The following CPA6 variants were observed in gnomAD, a reference collection of about 807,000 sequenced individuals.
The protein encoded by CPA6 is carboxypeptidase A6.
CPA6 carries 58 observed loss-of-function variants against 63.3 expected under a neutral mutation model. That is an observed-to-expected ratio of 0.92 (90% confidence interval 0.74 to 1.14). The LOEUF (loss-of-function observed/expected upper bound fraction) is 1.14. Among genes scored for constraint, CPA6 ranks in the 50% most tolerant of loss-of-function variants. The pLI, the probability that CPA6 is intolerant of heterozygous loss-of-function variation, is 0.00. For missense variants in CPA6, 565 were observed against 526.6 expected, an observed-to-expected ratio of 1.07 and a Z score of -0.71; for synonymous variants, 185 against 179.0, an observed-to-expected ratio of 1.03 and a Z score of -0.27.
At chr8:67,450,539 G>C (rs1810533265) in intron 8 of CPA6, among the ~76,000 whole-genome samples, 1 of 152,198 alleles carries the variant, frequency 6.6e-6, no homozygotes, top group African/African-American at 2.4e-5. Context: ...TTTTTAAGGA[G>C]AGAAAAACCA....
At chr8:67,631,816 CG>C (rs1461839013) in intron 1 of CPA6, among the ~76,000 whole-genome samples, 2 of 152,168 alleles carry the variant, frequency 1.3e-5, no homozygotes, top group Admixed American at 1.3e-4. Flanking sequence ...ATGAACCCAC[CG>C]GGAGGAATGA....
intron 2 of CPA6, among the ~76,000 whole-genome samples, chr8:67,594,504 G>A (rs1451294200): frequency 2.6e-5 from 4 of 152,110 alleles, no homozygotes; most frequent in South Asian, 2.1e-4. Context: ...CATTCTCCCC[G>A]TCACTTTCAG....
At chr8:67,565,461 A>C (rs1329765148) in intron 2 of CPA6, among the ~76,000 whole-genome samples, 3 of 152,338 alleles carry the variant, frequency 2.0e-5, no homozygotes, top group African/African-American at 7.2e-5. Context: ...TGTTAGGCTA[A>C]GGACCTCTCC....
intron 1 of CPA6, among the ~76,000 whole-genome samples, chr8:67,649,112 T>C (rs1815779762): frequency 6.6e-6 from 1 of 152,156 alleles, no homozygotes; most frequent in East Asian, 1.9e-4. Context: ...TTGGATTTTT[T>C]TTTTCATGGA....
At chr8:67,483,539 C>T in intron 8 of CPA6, 3 of 556,216 alleles carry the variant, frequency 5.4e-6, no homozygotes, top group Non-Finnish European at 9.6e-6. Context: ...TTTCAGTTTT[C>T]AGGACCGAAT....
intron 1 of CPA6, among the ~76,000 whole-genome samples, chr8:67,694,932 T>C (rs1244100941): frequency 6.6e-6 from 1 of 152,104 alleles, no homozygotes; most frequent in Non-Finnish European, 1.5e-5. Context: ...GTGGCTTGGC[T>C]GGATGGTTAG....
At chr8:67,667,451 AAG>A (rs1816255165) in intron 1 of CPA6, among the ~76,000 whole-genome samples, 1 of 152,126 alleles carries the variant, frequency 6.6e-6, no homozygotes, top group South Asian at 2.1e-4. Flanking sequence ...GCCTACAGGA[AAG>A]ACCCCCATGC....
intron 2 of CPA6, among the ~76,000 whole-genome samples, chr8:67,608,083 G>A (rs1015616538): frequency 1.3e-5 from 2 of 152,182 alleles, no homozygotes; most frequent in African/African-American, 4.8e-5. Context: ...AGGAAGGAAT[G>A]GAGGAAGAAC....
At chr8:67,600,090 G>A (rs1814454395) in intron 2 of CPA6, among the ~76,000 whole-genome samples, 4 of 151,416 alleles carry the variant, frequency 2.6e-5, no homozygotes, top group South Asian at 4.2e-4. Flanking sequence ...TTTTCAAGGT[G>A]TATGTTTCCT....
intron 8 of CPA6, among the ~76,000 whole-genome samples, chr8:67,445,076 T>C (rs1587432287): frequency 6.6e-6 from 1 of 152,102 alleles, no homozygotes; most frequent in African/African-American, 2.4e-5. Flanking sequence ...AAAAGCCAGA[T>C]GTTATATGTG....
At chr8:67,522,060 A>G (rs887866754) in intron 2 of CPA6, among the ~76,000 whole-genome samples, 53 of 152,184 alleles carry the variant, frequency 3.5e-4, no homozygotes, top group African/African-American at 1.2e-3. Flanking sequence ...CCCGATCTTC[A>G]TGCCAAACAC....
intron 1 of CPA6, among the ~76,000 whole-genome samples, chr8:67,706,211 G>GT (rs1249790847): frequency 6.6e-6 from 1 of 152,180 alleles, no homozygotes; most frequent in Admixed American, 6.6e-5. Context: ...CAACTTGCCT[G>GT]CTTTAAAGCC....
intron 2 of CPA6, among the ~76,000 whole-genome samples, chr8:67,546,396 A>G (rs1171964886): frequency 6.6e-6 from 1 of 151,872 alleles, no homozygotes; most frequent in Non-Finnish European, 1.5e-5. Flanking sequence ...AAAGAATAAA[A>G]CTCTACTGTC....
At chr8:67,538,520 T>G (rs911733421) in intron 2 of CPA6, among the ~76,000 whole-genome samples, 1 of 150,256 alleles carries the variant, frequency 6.7e-6, no homozygotes, top group African/African-American at 2.4e-5. Context: ...CTGTTTTTTT[T>G]TTTTTTTTTT....
intron 1 of CPA6, among the ~76,000 whole-genome samples, chr8:67,661,182 G>A (rs1267672440): frequency 6.6e-6 from 1 of 152,318 alleles, no homozygotes; most frequent in South Asian, 2.1e-4. Flanking sequence ...TGGCGGTCAA[G>A]GAAGGTGTAA....
chr8:67,486,708 T>C (rs1420487869), intron 6 of CPA6, among the ~76,000 whole-genome samples: 1 of 152,226 alleles, frequency 6.6e-6, no homozygotes. Flanking sequence ...TTAATATATT[T>C]GAATTATTAG....
chr8:67,450,254 T>C (rs1158365438), intron 8 of CPA6, among the ~76,000 whole-genome samples: 1 of 152,220 alleles, frequency 6.6e-6, no homozygotes, highest in Non-Finnish European at 1.5e-5. Flanking sequence ...CCTGATAACT[T>C]TACTTATAGG....
intron 1 of CPA6, among the ~76,000 whole-genome samples, chr8:67,638,260 C>T (rs1587659510): frequency 6.6e-6 from 1 of 151,196 alleles, no homozygotes; most frequent in African/African-American, 2.5e-5. Flanking sequence ...GAACAAAATG[C>T]CTTGTGACAG....
In CPA6 at chr8:67,602,424, A is replaced by T. The variant is rs192563861; in HGVS notation, c.192+21752T>A. 1.7e-3 allele frequency among the ~76,000 whole-genome samples: 256 copies of T among 152,288 alleles called. 2 individuals are homozygous for T. Among genetic ancestry groups the T allele is most frequent in the African/African-American group, 5.5e-3 (228 of 41,544 alleles). ...TTTCAACATCAATGCATTGTTACCT[A>T]TTCAAAAATAAATACGTCCAACTTT... is the stretch of plus-strand genomic sequence containing the variant. On this transcript the variant is annotated intron_variant, in intron 2 of 10. Transcript: ENST00000297770.
Sources: gnomAD v4.1 joint callset for allele counts (sites outside exome capture counted in the v4.1 genomes callset) on GRCh38, gnomAD v4.1.1 for gene constraint, MANE v1.5 for transcripts, NCBI Gene and HGNC (gene_info 2026-07-23, HGNC 2026-07-21) for gene names.